Variants in TULP3 observed in about 807,000 individuals in gnomAD.
The protein encoded by TULP3 is TUB like protein 3.
Under a neutral mutation model 50.7 loss-of-function variants are expected in TULP3, and 38 were observed. The observed-to-expected ratio is 0.75, with a 90% CI of 0.58 to 0.98. TULP3 has a LOEUF of 0.98. TULP3 is among the 50% of genes least tolerant of loss of function. TULP3 has a pLI of 0.00. For synonymous variants in TULP3, 183 were observed against 196.6 expected (o/e 0.93, Z 0.58); for missense variants, 550 against 568.0 (o/e 0.97, Z 0.32).
At position 2,934,896 on chromosome 12, in the gene TULP3, T is replaced by G. The variant is rs2098200189; in HGVS notation, c.924+335T>G. ...ATCTTTTCCTATCTAGTTCATTCTCTTTTTTCTCTTTTTAATCTCTTTTTC... is the reference window on the plus strand; with the variant it reads ...ATCTTTTCCTATCTAGTTCATTCTCGTTTTTCTCTTTTTAATCTCTTTTTC... On this transcript the variant is annotated intron_variant, in intron 8 of 10. Coordinates refer to ENST00000448120, the MANE Select transcript of TULP3 (RefSeq NM_003324.5). 2.6e-5 allele frequency among the ~76,000 whole-genome samples: 4 copies of G among 152,206 alleles called. No homozygotes were observed. In the South Asian group the frequency reaches 8.3e-4, roughly 32 times the overall value.
At chr12:2,895,788 G>A (rs115393100) in intron 1 of TULP3, among the ~76,000 whole-genome samples, 4,073 of 152,180 alleles carry the variant, frequency 0.027, 187 homozygotes, top group African/African-American at 0.094. Context: ...AAACCTTGAT[G>A]GGATATCCTA....
chr12:2,933,382 G>C, intron 6 of TULP3, 36 bp from the exon 7 acceptor site: 1 of 1,423,350 alleles, frequency 7.0e-7, no homozygotes. Context: ...AGGTTCTCTG[G>C]ACTTCATTTT....
chr12:2,926,919 A>G (rs1471652024), intron 4 of TULP3, among the ~76,000 whole-genome samples: 1 of 152,206 alleles, frequency 6.6e-6, no homozygotes, highest in Non-Finnish European at 1.5e-5. Context: ...AAATAAATAA[A>G]CAATAAATTG....
At chr12:2,925,446 G>C (rs1217519249) in intron 4 of TULP3, among the ~76,000 whole-genome samples, 1 of 152,168 alleles carries the variant, frequency 6.6e-6, no homozygotes, top group Non-Finnish European at 1.5e-5. Context: ...AGGAGGAAGG[G>C]AGGGGGTGAT....
At position 2,940,337 on chromosome 12, in the gene TULP3, AAG is replaced by A. The variant is rs1591540993; in HGVS notation, c.*894_*895del. On this transcript the variant is annotated 3_prime_UTR_variant, in exon 11 of 11. Coordinates refer to ENST00000448120, the MANE Select transcript of TULP3 (RefSeq NM_003324.5). ...TAGTTTAGTTAAAAAAAAAAAAAAA[AAG>A]GTGGCAGGAGAGGCTTTGGGGAGGA... 3.5e-6 allele frequency: 5 copies of A among 1,435,858 alleles called. No individual in the cohort carries two copies. The highest frequency in any genetic ancestry group is 1.4e-5 in the South Asian group (1 of 70,812). The allele number at this position is 1,435,858 out of a possible 1,614,324, so 88.9% of individuals were successfully genotyped here.
intron 2 of TULP3, among the ~76,000 whole-genome samples, chr12:2,919,915 A>G (rs1294390355): frequency 6.6e-6 from 1 of 152,020 alleles, no homozygotes; most frequent in African/African-American, 2.4e-5. Context: ...ATTTCTAATT[A>G]TATAAGATAA....
Position 2,939,407 on chromosome 12 carries a change from G to A in TULP3, c.1292G>A (p.Gly431Asp). ...PLCAVQAFGI[G>D]LSSFDSKLAC... ...TGTGCAGTACAGGCCTTTGGCATCG[G>A]TCTTTCTAGCTTTGACAGTAAGCTG... is the stretch of plus-strand genomic sequence containing the variant. Residue 431 changes from glycine to aspartate, a missense_variant, in exon 11 of 11, where the codon GGT becomes GAT. Physicochemically the swap from Gly to Asp is moderately conservative, Grantham distance 94 (BLOSUM62 -1). Coordinates refer to ENST00000448120, the MANE Select transcript of TULP3 (RefSeq NM_003324.5). The surrounding 1 kb of genome is among the most constrained non-coding windows in gnomAD (Gnocchi z 4.0). 3 of 1,614,170 alleles carry A rather than the reference G, an allele frequency of 1.9e-6. No homozygotes were observed. Among genetic ancestry groups the A allele is most frequent in the South Asian group, 1.1e-5 (1 of 91,086 alleles).
intron 1 of TULP3, among the ~76,000 whole-genome samples, chr12:2,908,276 C>T (rs967485203): frequency 1.3e-5 from 2 of 152,132 alleles, no homozygotes; most frequent in African/African-American, 2.4e-5. Context: ...GTTTTTCTGG[C>T]GCTAAGTTCC....
Position 2,939,513 on chromosome 12 carries a change from C to A in TULP3, c.*69C>A. 1 of 1,589,792 alleles carries A rather than the reference C, an allele frequency of 6.3e-7. No individual in the cohort carries two copies. ...GGAGCAGACAGTGGCCTCCCCTTCC[C>A]CTCCCTGCCCCAGGACTTAAAGAGC... is the stretch of plus-strand genomic sequence containing the variant. On this transcript the variant is annotated 3_prime_UTR_variant, in exon 11 of 11. Transcript: ENST00000448120. The surrounding 1 kb of genome is among the most constrained non-coding windows in gnomAD (Gnocchi z 4.0).
At chr12:2,916,281 C>T (rs944499630) in intron 2 of TULP3, among the ~76,000 whole-genome samples, 5 of 152,182 alleles carry the variant, frequency 3.3e-5, no homozygotes, top group Admixed American at 6.5e-5. Context: ...GGATTACAGG[C>T]ATGAGCCACT....
At chr12:2,918,830 G>A (rs1447430611) in intron 2 of TULP3, among the ~76,000 whole-genome samples, 1 of 152,038 alleles carries the variant, frequency 6.6e-6, no homozygotes, top group African/African-American at 2.4e-5. Context: ...ATGAGCCACT[G>A]TGCCCGGCCA....
Position 2,938,275 on chromosome 12 carries a change from C to T in TULP3, c.1185C>T (p.His395=). 1 of 1,613,510 alleles carries T rather than the reference C, an allele frequency of 6.2e-7. No individual in the cohort carries two copies. Among genetic ancestry groups the T allele is most frequent in the Middle Eastern group, 1.7e-4 (1 of 6,052 alleles). ...QASVKNFQIV[H]KNDPDYIVMQ... Reference sequence around the variant, plus strand: ...CTGTGAAGAACTTCCAGATAGTCCACAAAAATGACCGTAAGCCTCCAGGAG... The same window carrying T: ...CTGTGAAGAACTTCCAGATAGTCCATAAAAATGACCGTAAGCCTCCAGGAG... Residue 395 remains histidine, a synonymous_variant, in exon 10 of 11, where the codon CAC becomes CAT. Coordinates refer to ENST00000448120, the MANE Select transcript of TULP3 (RefSeq NM_003324.5).
chr12:2,922,500 A>G, intron 4 of TULP3, 98 bp downstream of exon 4: 1 of 1,479,964 alleles, frequency 6.8e-7, no homozygotes, highest in South Asian at 1.4e-5. Context: ...ATGACTGAAA[A>G]TGACTCATGG....
At chr12:2,906,534 G>A (rs2098182348) in intron 1 of TULP3, among the ~76,000 whole-genome samples, 1 of 151,220 alleles carries the variant, frequency 6.6e-6, no homozygotes, top group African/African-American at 2.4e-5. Context: ...TCACCATGTT[G>A]GCCAGGCTGG....
chr12:2,932,943 A>AT (rs202247754), intron 6 of TULP3, among the ~76,000 whole-genome samples: 8,025 of 149,422 alleles, frequency 0.054, 341 homozygotes, highest in Non-Finnish European at 0.085. Flanking sequence ...TTTTATTTTT[A>AT]TTTTTTATTT....
chr12:2,926,158 G>A (rs2098194539), intron 4 of TULP3, among the ~76,000 whole-genome samples: 1 of 152,158 alleles, frequency 6.6e-6, no homozygotes. Flanking sequence ...GGTGAAGATA[G>A]CCATACGATA....
At chr12:2,896,061 C>T (rs1300345523) in intron 1 of TULP3, among the ~76,000 whole-genome samples, 1 of 152,076 alleles carries the variant, frequency 6.6e-6, no homozygotes, top group East Asian at 1.9e-4. Flanking sequence ...CTGCCTCAGC[C>T]TCCCAAGTAG....
chr12:2,937,799 C>CA (rs369423699), intron 9 of TULP3, 70 bp downstream of exon 9: 61,732 of 710,144 alleles, frequency 0.087, 252 homozygotes, highest in Middle Eastern at 0.11. Context: ...GAGATTAATA[C>CA]AAAAAAAAAA....
chr12:2,901,296 C>T lies in TULP3; in HGVS notation c.42-8233C>T, dbSNP rs80271254. 9.3e-3 allele frequency among the ~76,000 whole-genome samples: 1,258 copies of T among 134,738 alleles called. 21 individuals carry two copies. The highest frequency in any genetic ancestry group is 0.032 in the African/African-American group (1,128 of 35,080). The allele number at this position is 134,738 out of a possible 152,430, so 88.4% of individuals were successfully genotyped here. A position where few individuals can be genotyped will look rare whatever the true frequency, so the allele number is the denominator to read the frequency against. On this transcript the variant is annotated intron_variant, in intron 1 of 10. Transcript: ENST00000448120. Reference sequence around the variant, plus strand: ...ACCTGGCTAATTTGATTTTTTTTTTCTTTCTTTCTTTCTTTCTTTTTTTTT... The same window carrying T: ...ACCTGGCTAATTTGATTTTTTTTTTTTTTCTTTCTTTCTTTCTTTTTTTTT...
Sources: gnomAD v4.1 joint callset for allele counts (sites outside exome capture counted in the v4.1 genomes callset) on GRCh38, gnomAD v4.1.1 for gene constraint, Gnocchi (gnomAD v3.1) non-coding constraint, MANE v1.5 for transcripts, NCBI Gene and HGNC (gene_info 2026-07-23, HGNC 2026-07-21) for gene names.